The following NLGN1 variants were observed in gnomAD, a reference collection of about 807,000 sequenced individuals.
NLGN1 encodes neuroligin-1.
Under a neutral mutation model 65.5 loss-of-function variants are expected in NLGN1, and 12 were observed. The observed-to-expected ratio is 0.18, with a 90% CI of 0.12 to 0.30. The LOEUF (loss-of-function observed/expected upper bound fraction) is 0.30, where lower values mean the gene tolerates loss of function less well. NLGN1 is among the 10% of genes least tolerant of loss of function. NLGN1 has a pLI of 1.00. For synonymous variants in NLGN1, 350 were observed against 359.5 expected (o/e 0.97, Z 0.30); for missense variants, 750 against 1,007.1 (o/e 0.74, Z 3.46).
At chr3:174,253,626 A>AC (rs1413353816) in intron 4 of NLGN1, among the ~76,000 whole-genome samples, 1 of 152,196 alleles carries the variant, frequency 6.6e-6, no homozygotes, top group East Asian at 1.9e-4. Flanking sequence ...TGCACCCAGA[A>AC]CAGGACCTCA....
intron 2 of NLGN1, among the ~76,000 whole-genome samples, chr3:173,538,060 A>G (rs1409190134): frequency 2.0e-5 from 3 of 152,180 alleles, no homozygotes; most frequent in African/African-American, 7.2e-5. Flanking sequence ...TAGGCCAGCA[A>G]AGGATAAAGC....
chr3:173,997,902 G>C (rs148718465), intron 4 of NLGN1, among the ~76,000 whole-genome samples: 2 of 152,198 alleles, frequency 1.3e-5, no homozygotes, highest in African/African-American at 4.8e-5. Context: ...TTCAGGGCTA[G>C]AATTGTGATC....
exon 7 of NLGN1, chr3:174,281,016 G>A: frequency 1.2e-6 from 2 of 1,613,354 alleles, no homozygotes; most frequent in South Asian, 2.2e-5. Context: ...ACAAGAAGAG[G>A]AAATCATGTC....
chr3:173,670,687 C>T (rs1762330571), intron 3 of NLGN1, among the ~76,000 whole-genome samples: 1 of 152,120 alleles, frequency 6.6e-6, no homozygotes, highest in African/African-American at 2.4e-5. Flanking sequence ...AAAATGTCAT[C>T]TTCAGGTACT....
At chr3:173,405,185 G>A (rs926475927) in intron 1 of NLGN1, among the ~76,000 whole-genome samples, 7 of 152,048 alleles carry the variant, frequency 4.6e-5, no homozygotes, top group Non-Finnish European at 7.4e-5. Flanking sequence ...CTCCGCGATT[G>A]TCTCCAGAAT....
chr3:174,260,171 A>G (rs1334516548), intron 4 of NLGN1, among the ~76,000 whole-genome samples: 1 of 151,406 alleles, frequency 6.6e-6, no homozygotes, highest in Non-Finnish European at 1.5e-5. Context: ...TTATAGCAGC[A>G]TGATTTATAG....
chr3:173,928,968 C>A (rs535601289), intron 4 of NLGN1, among the ~76,000 whole-genome samples: 1 of 152,114 alleles, frequency 6.6e-6, no homozygotes, highest in East Asian at 1.9e-4. Context: ...CCATGCCTGG[C>A]CTGACATAGT....
At chr3:173,801,778 T>C (rs1715505969) in intron 3 of NLGN1, among the ~76,000 whole-genome samples, 1 of 152,224 alleles carries the variant, frequency 6.6e-6, no homozygotes, top group East Asian at 1.9e-4. Flanking sequence ...ATTATCGCTG[T>C]CCAAGAGTTA....
intron 3 of NLGN1, among the ~76,000 whole-genome samples, chr3:173,782,816 C>T (rs943347577): frequency 2.0e-5 from 3 of 151,798 alleles, no homozygotes; most frequent in African/African-American, 7.3e-5. Context: ...CCCTACCCCC[C>T]GCTCCCAGCT....
intron 3 of NLGN1, among the ~76,000 whole-genome samples, chr3:173,798,128 T>C (rs1466852470): frequency 6.6e-6 from 1 of 152,102 alleles, no homozygotes; most frequent in African/African-American, 2.4e-5. Context: ...CTCCAAATAT[T>C]AGCAAACTAA....
At chr3:173,469,333 C>A (rs781159696) in intron 2 of NLGN1, among the ~76,000 whole-genome samples, 6 of 152,016 alleles carry the variant, frequency 3.9e-5, no homozygotes, top group Non-Finnish European at 7.4e-5. Flanking sequence ...CATAAGTAGG[C>A]ATCCCAAACA....
At chr3:174,231,394 T>C (rs1294553611) in intron 4 of NLGN1, among the ~76,000 whole-genome samples, 1 of 152,178 alleles carries the variant, frequency 6.6e-6, no homozygotes, top group African/African-American at 2.4e-5. Context: ...CAGCTCAGCG[T>C]TGGACTTCTT....
intron 1 of NLGN1, among the ~76,000 whole-genome samples, chr3:173,408,063 C>T (rs1711636291): frequency 6.6e-6 from 1 of 152,162 alleles, no homozygotes; most frequent in Non-Finnish European, 1.5e-5. Context: ...GAAGATTCTT[C>T]TTATCATTTT....
intron 3 of NLGN1, among the ~76,000 whole-genome samples, chr3:173,639,435 G>A (rs935693012): frequency 6.6e-6 from 1 of 152,206 alleles, no homozygotes; most frequent in Non-Finnish European, 1.5e-5. Flanking sequence ...CTGCTGGGTA[G>A]CCTTTCAGCC....
intron 3 of NLGN1, chr3:173,685,838 C>T (rs9852202): frequency 0.57 from 548,638 of 967,216 alleles, 158,643 homozygotes; most frequent in East Asian, 0.71. Flanking sequence ...ATATCATTTA[C>T]TATTCTTCAA....
chr3:173,995,522 C>T (rs1408760653), intron 4 of NLGN1, among the ~76,000 whole-genome samples: 1 of 152,062 alleles, frequency 6.6e-6, no homozygotes, highest in African/African-American at 2.4e-5. Flanking sequence ...AAGATGGTAT[C>T]CCACTGTACA....
intron 3 of NLGN1, among the ~76,000 whole-genome samples, chr3:173,765,272 C>A (rs1778604499): frequency 6.6e-6 from 1 of 151,960 alleles, no homozygotes; most frequent in South Asian, 2.1e-4. Context: ...CAATGTGTTG[C>A]CAGAATCTAA....
chr3:173,604,517 TA>T, exon 3 of NLGN1: 1 of 1,443,910 alleles, frequency 6.9e-7, no homozygotes, highest in Non-Finnish European at 9.5e-7. Context: ...AGGTATATTC[TA>T]CCATTATACA....
chr3:174,223,596 T>C (rs1305822124), intron 4 of NLGN1, among the ~76,000 whole-genome samples: 1 of 152,212 alleles, frequency 6.6e-6, no homozygotes, highest in Non-Finnish European at 1.5e-5. Flanking sequence ...TGTGTGCAGC[T>C]GAATGTCTTT....
Sources: allele counts gnomAD v4.1 joint callset (sites outside exome capture counted in the v4.1 genomes callset), GRCh38; gene constraint gnomAD v4.1.1; transcripts MANE v1.5; gene names NCBI Gene and HGNC (gene_info 2026-07-23, HGNC 2026-07-21).